Variants in VMP1 observed in about 807,000 individuals in gnomAD.
VMP1 encodes vacuole membrane protein 1.
In VMP1, 11 loss-of-function variants were observed where a neutral mutation model predicts 56.0. The observed-to-expected ratio is 0.20, with a 90% confidence interval of 0.12 to 0.32. The LOEUF (loss-of-function observed/expected upper bound fraction) is 0.32. Among genes scored for constraint, VMP1 ranks in the 10% least tolerant of loss-of-function variants. VMP1 has a pLI of 1.00. For missense variants in VMP1, 296 were observed against 490.3 expected (o/e 0.60, Z 3.74); for synonymous variants, 149 against 165.0 (o/e 0.90, Z 0.74).
chr17:59,824,608 C>T (rs1303752146), intron 10 of VMP1, among the ~76,000 whole-genome samples: 1 of 149,458 alleles, frequency 6.7e-6, no homozygotes, highest in Non-Finnish European at 1.5e-5. Context: ...CGCAGTGGCC[C>T]ACGCCTGTAA....
At chr17:59,805,324 G>T (rs1265162692) in intron 7 of VMP1, among the ~76,000 whole-genome samples, 2 of 152,158 alleles carry the variant, frequency 1.3e-5, no homozygotes, top group Non-Finnish European at 2.9e-5. Flanking sequence ...GGCTCCTTAC[G>T]TGTTATTCCT....
chr17:59,737,434 T>C lies in VMP1; in HGVS notation c.213-19T>C. The C allele has an allele frequency of 6.3e-7, 1 of 1,597,948 alleles. No homozygotes were observed. The highest frequency in any genetic ancestry group is 1.1e-5 in the South Asian group (1 of 87,858). On this transcript the variant is annotated intron_variant, in intron 3 of 11. Coordinates refer to ENST00000262291, the MANE Select transcript of VMP1 (RefSeq NM_030938.5). Reference sequence around the variant, plus strand: ...AAAGTGAGACTGTGAGATATTTATTTTTTTTATTTGTTTTTAAGATTATGG... The same window carrying C: ...AAAGTGAGACTGTGAGATATTTATTCTTTTTATTTGTTTTTAAGATTATGG...
chr17:59,758,668 A>C (rs2035934411), intron 5 of VMP1, among the ~76,000 whole-genome samples: 1 of 149,432 alleles, frequency 6.7e-6, no homozygotes, highest in Non-Finnish European at 1.5e-5. Flanking sequence ...TAAAAATAAC[A>C]AAAAAAAAAT....
chr17:59,801,757 T>C (rs974840495), intron 7 of VMP1, among the ~76,000 whole-genome samples: 3 of 151,844 alleles, frequency 2.0e-5, no homozygotes, highest in African/African-American at 4.8e-5. Context: ...TAGCCAGATG[T>C]GGTGGCAGGT....
At chr17:59,837,075 C>A (rs542169150) in intron 10 of VMP1, among the ~76,000 whole-genome samples, 20 of 151,844 alleles carry the variant, frequency 1.3e-4, no homozygotes, top group Middle Eastern at 3.4e-3. Context: ...TGGTGACAAG[C>A]GCCTGTAATC....
At chr17:59,768,510 G>A (rs1034322485) in intron 6 of VMP1, among the ~76,000 whole-genome samples, 21 of 152,164 alleles carry the variant, frequency 1.4e-4, no homozygotes, top group African/African-American at 4.8e-4. Context: ...TGCTGAGGCA[G>A]GAGAATCGCT....
At chr17:59,738,462 A>C (rs1460103280) in intron 4 of VMP1, among the ~76,000 whole-genome samples, 1 of 152,242 alleles carries the variant, frequency 6.6e-6, no homozygotes, top group Non-Finnish European at 1.5e-5. Context: ...ATTTTAAAAC[A>C]GTTTACTGCT....
At position 59,838,404 on chromosome 17, in the gene VMP1, CTT is replaced by C; in HGVS notation, c.1077+9_1077+10del. The C allele has an allele frequency of 6.2e-7, 1 of 1,613,990 alleles. No homozygotes were observed. Among genetic ancestry groups the C allele is most frequent in the African/African-American group, 1.3e-5 (1 of 75,020 alleles). ...CGAAATGGGCACACCACAGGTAAGA[CTT>C]TAATCCGGTTTCTTCTCCCCTCTGG... On this transcript the variant is annotated splice_region_variant and intron_variant, in intron 11 of 11. Transcript: ENST00000262291.
chr17:59,832,503 T>C (rs2038843552), intron 10 of VMP1, among the ~76,000 whole-genome samples: 1 of 152,150 alleles, frequency 6.6e-6, no homozygotes, highest in Non-Finnish European at 1.5e-5. Flanking sequence ...TGCAGTTGAC[T>C]GAAAAAATAG....
At position 59,840,890 on chromosome 17, in the gene VMP1, C is replaced by A. The variant is rs112394324; in HGVS notation, c.*979C>A. ...GAAATTACCCATTTCTAAAAAAAAA[C>A]CACACTCTGTCGTATCTGTGTTAAT... is the stretch of plus-strand genomic sequence containing the variant. On this transcript the variant is annotated 3_prime_UTR_variant, in exon 12 of 12. Coordinates refer to ENST00000262291, the MANE Select transcript of VMP1 (RefSeq NM_030938.5). The A allele has an allele frequency of 3.1e-3, 471 of 154,390 alleles. 3 individuals carry two copies. The highest frequency in any genetic ancestry group is 0.011 in the African/African-American group (437 of 41,536). The allele number at this position is 154,390 out of a possible 1,614,324, so 9.6% of individuals were successfully genotyped here. A position where few individuals can be genotyped will look rare whatever the true frequency, so the allele number is the denominator to read the frequency against.
intron 10 of VMP1, among the ~76,000 whole-genome samples, chr17:59,831,612 ATTT>A (rs34016289): frequency 5.3e-5 from 7 of 132,878 alleles, no homozygotes; most frequent in Non-Finnish European, 4.8e-5. Flanking sequence ...TTTTGAATGG[ATTT>A]TTTTTTTTTT....
At chr17:59,838,143 T>A in intron 10 of VMP1, 152 bp from the exon 11 acceptor site, 1 of 364,046 alleles carries the variant, frequency 2.7e-6, no homozygotes, top group East Asian at 4.4e-5. Flanking sequence ...GGTCACAGAA[T>A]TTCAGCAGTT....
chr17:59,765,259 C>T (rs1353034623), intron 6 of VMP1, 121 bp downstream of exon 6: 2 of 1,160,300 alleles, frequency 1.7e-6, no homozygotes, highest in Non-Finnish European at 2.4e-6. Context: ...CAGTAACCAG[C>T]TACCTACTTC....
chr17:59,728,095 G>T (rs937729800), intron 1 of VMP1, among the ~76,000 whole-genome samples: 5 of 152,166 alleles, frequency 3.3e-5, no homozygotes, highest in Non-Finnish European at 7.3e-5. Flanking sequence ...CAAATGGATT[G>T]TATCTTAAAA....
At chr17:59,742,864 A>T (rs2035280048) in intron 5 of VMP1, among the ~76,000 whole-genome samples, 1 of 152,180 alleles carries the variant, frequency 6.6e-6, no homozygotes, top group Non-Finnish European at 1.5e-5. Flanking sequence ...CGAGGGATCT[A>T]GCTTGCATGC....
rs559413457 is a variant in VMP1, at chr17:59,743,140, C to T, written c.414+4193C>T. ...AAACCCATAGTTTATGGGATCTACT[C>T]TGTGTTATACAGGTCTATGGGTTTT... is the stretch of plus-strand genomic sequence containing the variant. On this transcript the variant is annotated intron_variant, in intron 5 of 11. Transcript: ENST00000262291. Among the ~76,000 whole-genome samples, 18 of 152,272 alleles carry T rather than the reference C, an allele frequency of 1.2e-4. No individual in the cohort carries two copies. In the South Asian group the frequency reaches 3.5e-3, roughly 30 times the overall value.
At chr17:59,825,779 AC>A (rs1358273861) in intron 10 of VMP1, among the ~76,000 whole-genome samples, 1 of 152,244 alleles carries the variant, frequency 6.6e-6, no homozygotes, top group African/African-American at 2.4e-5. Flanking sequence ...TTCTGAGCTA[AC>A]TTGATGCTTG....
intron 7 of VMP1, among the ~76,000 whole-genome samples, chr17:59,793,593 C>T (rs1414531172): frequency 2.6e-5 from 3 of 115,620 alleles, no homozygotes; most frequent in African/African-American, 7.8e-5. Flanking sequence ...CATGTTTGTG[C>T]GTGTGTGCAC....
At position 59,789,808 on chromosome 17, in the gene VMP1, TCTTC is replaced by T. The variant is rs1465100641; in HGVS notation, c.714+15935_714+15938del. ...GTTCTTTCTCTTTCTTTTCTTTCTT[TCTTC>T]CTTCCTTCCTTTCTTTCTTTCCCTT... is the stretch of plus-strand genomic sequence containing the variant. On this transcript the variant is annotated intron_variant, in intron 7 of 11. Transcript: ENST00000262291. Among the ~76,000 whole-genome samples the T allele has an allele frequency of 2.5e-4, 38 of 150,718 alleles. 1 individual carries two copies. Among genetic ancestry groups the T allele is most frequent in the African/African-American group, 8.3e-4 (34 of 41,022 alleles).
Sources: allele counts gnomAD v4.1 joint callset (sites outside exome capture counted in the v4.1 genomes callset), GRCh38; gene constraint gnomAD v4.1.1; transcripts MANE v1.5; gene names NCBI Gene and HGNC (gene_info 2026-07-23, HGNC 2026-07-21).